The following SRD5A2 variants were observed in gnomAD, a reference collection of about 807,000 sequenced individuals.
SRD5A2 encodes steroid 5 alpha-reductase 2.
In SRD5A2, 30 loss-of-function variants were observed where a neutral mutation model predicts 27.4. The ratio of observed to expected loss-of-function variants is 1.10; its 90% CI spans 0.82 to 1.49. SRD5A2 has a LOEUF of 1.49. Ranked by LOEUF, SRD5A2 falls within the 40% of genes most tolerant of loss-of-function variation. The pLI, the probability that SRD5A2 is intolerant of heterozygous loss-of-function variation, is 0.00. For missense variants in SRD5A2, 348 were observed against 323.4 expected (o/e 1.08, Z -0.58); for synonymous variants, 141 against 133.6 (o/e 1.06, Z -0.38).
intron 1 of SRD5A2, among the ~76,000 whole-genome samples, chr2:31,543,999 C>G (rs1387518160): frequency 6.6e-6 from 1 of 151,904 alleles, no homozygotes; most frequent in Non-Finnish European, 1.5e-5. Flanking sequence ...TGGAAGATGA[C>G]ATTTCATGCA....
At chr2:31,572,919 AG>A (rs1472398857) in intron 1 of SRD5A2, among the ~76,000 whole-genome samples, 1 of 152,208 alleles carries the variant, frequency 6.6e-6, no homozygotes, top group Non-Finnish European at 1.5e-5. Flanking sequence ...AGAGGCCCAG[AG>A]CCTAATTTAA....
intron 1 of SRD5A2, among the ~76,000 whole-genome samples, chr2:31,575,933 C>T (rs77540563): frequency 0.046 from 7,074 of 152,204 alleles, 378 homozygotes; most frequent in African/African-American, 0.13. Context: ...AAAGTGAAGA[C>T]CAATCAGAGA....
the SRD5A2 span, among the ~76,000 whole-genome samples, chr2:31,616,752 T>C: frequency 6.6e-6 from 1 of 152,172 alleles, no homozygotes; most frequent in Admixed American, 6.5e-5. Context: ...GACTTTGAGT[T>C]AATGCTGACA....
the SRD5A2 span, among the ~76,000 whole-genome samples, chr2:31,603,464 C>T: frequency 6.6e-6 from 1 of 151,952 alleles, no homozygotes; most frequent in Admixed American, 6.6e-5. Context: ...ATTAGTTCAA[C>T]CATTGTGGAA....
chr2:31,611,233 C>T, the SRD5A2 span, among the ~76,000 whole-genome samples: 3 of 152,252 alleles, frequency 2.0e-5, no homozygotes, highest in Non-Finnish European at 4.4e-5. Flanking sequence ...GGAACACAAG[C>T]AAGCTATCCA....
At chr2:31,568,026 C>G (rs1666771528) in intron 1 of SRD5A2, among the ~76,000 whole-genome samples, 1 of 152,180 alleles carries the variant, frequency 6.6e-6, no homozygotes, top group African/African-American at 2.4e-5. Context: ...CTCCAGATGA[C>G]AGCATAAGTG....
intron 4 of SRD5A2, chr2:31,527,056 A>C (rs1665798306): frequency 1.3e-5 from 2 of 152,092 alleles, no homozygotes; most frequent in East Asian, 3.9e-4. Flanking sequence ...GCAAGGAAGA[A>C]TTCTTCCCTA....
At chr2:31,589,457 GC>G in the SRD5A2 span, among the ~76,000 whole-genome samples, 1 of 152,220 alleles carries the variant, frequency 6.6e-6, no homozygotes, top group Non-Finnish European at 1.5e-5. Context: ...TCTCCCCTCT[GC>G]CCGGATGCCC....
chr2:31,598,504 A>G, the SRD5A2 span, among the ~76,000 whole-genome samples: 2 of 152,144 alleles, frequency 1.3e-5, no homozygotes, highest in South Asian at 2.1e-4. Flanking sequence ...TAAAAACAAA[A>G]AAAAAGAAGG....
At position 31,580,727 on chromosome 2, in the gene SRD5A2, C is replaced by T. The variant is rs1292212382; in HGVS notation, c.174G>A (p.Leu58=). The change falls in exon 1 of 5, where the codon CTG becomes CTA. Residue 58 remains leucine (L), a synonymous_variant. Coordinates refer to ENST00000622030, the MANE Select transcript of SRD5A2 (RefSeq NM_000348.4). ...TCCCCGCGGGCACCGCGAAGGAAGGCAGCTCCTGCAGGAACCAGGCGGCGC... is the reference window on the plus strand; with the variant it reads ...TCCCCGCGGGCACCGCGAAGGAAGGTAGCTCCTGCAGGAACCAGGCGGCGC... ...PARAAWFLQE[L]PSFAVPAGIL... 1.9e-6 allele frequency: 3 copies of T among 1,608,022 alleles called. No individual in the cohort carries two copies. The highest frequency in any genetic ancestry group is 2.5e-6 in the Non-Finnish European group (3 of 1,179,412).
the SRD5A2 span, among the ~76,000 whole-genome samples, chr2:31,594,955 A>T: frequency 6.6e-6 from 1 of 152,184 alleles, no homozygotes; most frequent in African/African-American, 2.4e-5. Flanking sequence ...GCTCCTGAAT[A>T]ATTTTTGAGT....
At chr2:31,649,900 T>C in the SRD5A2 span, among the ~76,000 whole-genome samples, 1 of 152,162 alleles carries the variant, frequency 6.6e-6, no homozygotes, top group African/African-American at 2.4e-5. Context: ...TACATTAATT[T>C]GTCTTTTGAA....
At chr2:31,574,492 A>C (rs1666916469) in intron 1 of SRD5A2, among the ~76,000 whole-genome samples, 1 of 152,214 alleles carries the variant, frequency 6.6e-6, no homozygotes, top group Non-Finnish European at 1.5e-5. Context: ...TCCTTTCTTC[A>C]GTGTGGTAAA....
At chr2:31,557,297 T>C (rs1193363857) in intron 1 of SRD5A2, among the ~76,000 whole-genome samples, 1 of 152,242 alleles carries the variant, frequency 6.6e-6, no homozygotes, top group Non-Finnish European at 1.5e-5. Flanking sequence ...TTCCCCCAGA[T>C]GATTTTAATG....
chr2:31,646,254 A>T, the SRD5A2 span, among the ~76,000 whole-genome samples: 1 of 152,072 alleles, frequency 6.6e-6, no homozygotes. Context: ...TATTTACATT[A>T]AAAAATCGCC....
At chr2:31,627,892 A>C in the SRD5A2 span, among the ~76,000 whole-genome samples, 25 of 152,244 alleles carry the variant, frequency 1.6e-4, no homozygotes, top group African/African-American at 5.5e-4. Flanking sequence ...TTTATGCCAA[A>C]TTACGTAGTC....
upstream of SRD5A2, among the ~76,000 whole-genome samples, chr2:31,581,830 G>A (rs1667089460): frequency 6.6e-6 from 1 of 152,092 alleles, no homozygotes; most frequent in Non-Finnish European, 1.5e-5. Flanking sequence ...TGGCGACCCC[G>A]CTGTTCTCTG....
At chr2:31,648,588 T>C in the SRD5A2 span, among the ~76,000 whole-genome samples, 1 of 152,328 alleles carries the variant, frequency 6.6e-6, no homozygotes, top group Admixed American at 6.5e-5. Context: ...TCTTAACACA[T>C]GTGTTAGTCC....
At chr2:31,641,352 A>T in the SRD5A2 span, among the ~76,000 whole-genome samples, 1 of 152,340 alleles carries the variant, frequency 6.6e-6, no homozygotes, top group Non-Finnish European at 1.5e-5. Flanking sequence ...AAAGTATGTA[A>T]GGAAAATATT....
Sources: allele counts gnomAD v4.1 joint callset (sites outside exome capture counted in the v4.1 genomes callset), GRCh38; gene constraint gnomAD v4.1.1; transcripts MANE v1.5; gene names NCBI Gene and HGNC (gene_info 2026-07-23, HGNC 2026-07-21).